The following CLTCL1 variants were observed in gnomAD, a reference collection of about 807,000 sequenced individuals.
CLTCL1 encodes clathrin heavy chain like 1, also known as clathrin heavy chain 2.
A neutral mutation model predicts 190.0 loss-of-function variants in CLTCL1; 159 were observed. The ratio of observed to expected loss-of-function variants is 0.84; its 90% CI spans 0.74 to 0.95. The LOEUF is 0.95. Among genes scored for constraint, CLTCL1 ranks in the 40% least tolerant of loss-of-function variants. CLTCL1 has a pLI of 0.00. For missense variants in CLTCL1, 1,878 were observed against 2,033.4 expected, an observed-to-expected ratio of 0.92 and a Z score of 1.47; for synonymous variants, 752 against 769.6, an observed-to-expected ratio of 0.98 and a Z score of 0.38.
intron 22 of CLTCL1, 69 bp downstream of exon 22, chr22:19,208,085 C>G: frequency 1.9e-6 from 3 of 1,591,022 alleles, no homozygotes; most frequent in Non-Finnish European, 2.6e-6. Context: ...CTCGGGACTG[C>G]TGCTCTGAGG....
Position 19,187,539 on chromosome 22 carries a change from A to G in CLTCL1, c.4605+19T>C. 6.3e-7 allele frequency: 1 copy of G among 1,597,166 alleles called. No homozygotes were observed. Among genetic ancestry groups the G allele is most frequent in the East Asian group, 2.2e-5 (1 of 44,458 alleles). On this transcript the variant is annotated intron_variant, in intron 29 of 32. Transcript: ENST00000427926. ...CACCAAGGCAGGAAGGTGGGAGGAA[A>G]CGGGCCCAGGCCACCAACCTTGTAG...
intron 15 of CLTCL1, among the ~76,000 whole-genome samples, chr22:19,222,413 G>A (rs1555953100): frequency 2.0e-5 from 3 of 152,208 alleles, no homozygotes; most frequent in African/African-American, 7.2e-5. Flanking sequence ...GAGGCTGTCT[G>A]CAAGCGTGGG....
chr22:19,284,601 A>T (rs2087837743), intron 1 of CLTCL1, among the ~76,000 whole-genome samples: 1 of 152,198 alleles, frequency 6.6e-6, no homozygotes, highest in Admixed American at 6.5e-5. Context: ...CGGAGGCTGC[A>T]GTGAGCCAAG....
At chr22:19,233,057 C>A in intron 9 of CLTCL1, 109 bp downstream of exon 9, 1 of 1,187,228 alleles carries the variant, frequency 8.4e-7, no homozygotes, top group Non-Finnish European at 1.2e-6. Flanking sequence ...ATTGCCAACT[C>A]TCACACCAGA....
intron 19 of CLTCL1, among the ~76,000 whole-genome samples, chr22:19,214,098 C>T (rs2085313490): frequency 6.6e-6 from 1 of 152,192 alleles, no homozygotes; most frequent in East Asian, 1.9e-4. Flanking sequence ...AGTATCCCTG[C>T]ACATCTCCTC....
At chr22:19,224,204 T>C (rs1555954430) in intron 13 of CLTCL1, 150 bp from the exon 14 acceptor site, 3 of 764,340 alleles carry the variant, frequency 3.9e-6, no homozygotes, top group East Asian at 2.7e-5. Flanking sequence ...TTTGTCTGTT[T>C]TGGCAGCTCC....
At chr22:19,246,873 A>G (rs2086436317) in intron 3 of CLTCL1, among the ~76,000 whole-genome samples, 2 of 152,108 alleles carry the variant, frequency 1.3e-5, no homozygotes. Flanking sequence ...GTTGAGTTGT[A>G]AGTGTTCTTT....
chr22:19,207,633 T>C (rs886982456), intron 22 of CLTCL1: 19 of 432,170 alleles, frequency 4.4e-5, no homozygotes, highest in African/African-American at 1.0e-4. Flanking sequence ...TCACGCCCCA[T>C]AGCAGCAAGT....
rs1345498342 is a variant in CLTCL1 at position 19,216,038 on chromosome 22, G to A, written c.3065+73C>T. 23 of 1,461,860 alleles carry A rather than the reference G, an allele frequency of 1.6e-5. No homozygotes were observed. The Middle Eastern group carries it at 1.1e-3, about 73-fold the overall frequency. The allele number at this position is 1,461,860 out of a possible 1,614,324, so 90.6% of individuals were successfully genotyped here. A position where few individuals can be genotyped will look rare whatever the true frequency, so the allele number is the denominator to read the frequency against. On this transcript the variant is annotated intron_variant, in intron 19 of 32. Transcript: ENST00000427926. ...TGGATGGGTGAAGCGGTACGAGATT[G>A]TAACAGAAGATGAGTATCAAGCAGA...
rs782362849 is a variant in CLTCL1, at chr22:19,224,096, G to T, written c.2129-42C>A. 3 of 1,606,206 alleles carry T rather than the reference G, an allele frequency of 1.9e-6. No individual in the cohort carries two copies. The South Asian group carries it at 3.3e-5, about 18-fold the overall frequency. ...TTCCATTTTTGTCCTTGTAACACCTGCCTGTCTCCTCCGTAGCTGCTGCCC... is the reference window on the plus strand; with the variant it reads ...TTCCATTTTTGTCCTTGTAACACCTTCCTGTCTCCTCCGTAGCTGCTGCCC... On this transcript the variant is annotated intron_variant, in intron 13 of 32. Transcript: ENST00000427926.
chr22:19,215,889 C>G (rs1328111910), intron 19 of CLTCL1, among the ~76,000 whole-genome samples: 6 of 152,106 alleles, frequency 3.9e-5, no homozygotes, highest in Non-Finnish European at 8.8e-5. Flanking sequence ...AGCGCAGGCT[C>G]CTAGAAAATG....
chr22:19,290,926 G>C (rs913151508), intron 1 of CLTCL1, among the ~76,000 whole-genome samples: 1 of 152,204 alleles, frequency 6.6e-6, no homozygotes, highest in South Asian at 2.1e-4. Flanking sequence ...GCACCTCCCA[G>C]GGTAAACGTG....
chr22:19,236,712 C>G (rs2086092740), intron 5 of CLTCL1, among the ~76,000 whole-genome samples: 1 of 152,000 alleles, frequency 6.6e-6, no homozygotes, highest in South Asian at 2.1e-4. Flanking sequence ...CTTGGGAAGC[C>G]AAGGCAGGAG....
chr22:19,271,388 G>T (rs2087313073), intron 2 of CLTCL1, among the ~76,000 whole-genome samples: 1 of 152,032 alleles, frequency 6.6e-6, no homozygotes, highest in African/African-American at 2.4e-5. Flanking sequence ...GGGTATAAGT[G>T]TGTGTGTGGC....
chr22:19,226,528 A>G (rs1371294695), intron 11 of CLTCL1, 145 bp from the exon 12 acceptor site: 1 of 874,100 alleles, frequency 1.1e-6, no homozygotes, highest in African/African-American at 1.7e-5. Flanking sequence ...CTGTGGTGGC[A>G]GCAGTGCTTG....
At chr22:19,280,523 T>C (rs1243283432) in intron 1 of CLTCL1, among the ~76,000 whole-genome samples, 1 of 150,396 alleles carries the variant, frequency 6.6e-6, no homozygotes, top group Non-Finnish European at 1.5e-5. Flanking sequence ...TTATGCTAAG[T>C]AAAAAAAAAC....
intron 1 of CLTCL1, among the ~76,000 whole-genome samples, chr22:19,280,655 T>G (rs4819792): frequency 6.7e-6 from 1 of 149,506 alleles, no homozygotes; most frequent in Non-Finnish European, 1.5e-5. Flanking sequence ...CCTGTCTCTA[T>G]CAAAAATACA....
At chr22:19,262,631 C>CA (rs35467856) in intron 2 of CLTCL1, among the ~76,000 whole-genome samples, 2,939 of 137,138 alleles carry the variant, frequency 0.021, 92 homozygotes, top group African/African-American at 0.073. Flanking sequence ...GACTCTGTCT[C>CA]AAAAAAAAAA....
chr22:19,271,017 G>C, intron 2 of CLTCL1, among the ~76,000 whole-genome samples: 1 of 152,002 alleles, frequency 6.6e-6, no homozygotes, highest in Non-Finnish European at 1.5e-5. Context: ...CCTTCTTTGG[G>C]AAATACTTCA....
Sources: allele counts gnomAD v4.1 joint callset (sites outside exome capture counted in the v4.1 genomes callset), GRCh38; gene constraint gnomAD v4.1.1; transcripts MANE v1.5; gene names NCBI Gene and HGNC (gene_info 2026-07-23, HGNC 2026-07-21).